CTTNBP2: variants seen among roughly 807,000 people sequenced by gnomAD.
CTTNBP2 encodes the protein cortactin binding protein 2.
Under a neutral mutation model 156.9 loss-of-function variants are expected in CTTNBP2, and 108 were observed. The observed-to-expected ratio is 0.69, with a 90% confidence interval of 0.59 to 0.81. CTTNBP2 has a LOEUF of 0.81. Ranked by LOEUF, CTTNBP2 falls within the 30% of genes least tolerant of loss-of-function variation. CTTNBP2 has a pLI of 0.00. For missense variants in CTTNBP2, 1,924 were observed against 2,035.4 expected, an observed-to-expected ratio of 0.95 and a Z score of 1.05; for synonymous variants, 767 against 751.8, an observed-to-expected ratio of 1.02 and a Z score of -0.33.
At chr7:117,727,043 A>T (rs1795130802) in intron 17 of CTTNBP2, among the ~76,000 whole-genome samples, 1 of 151,912 alleles carries the variant, frequency 6.6e-6, no homozygotes, top group African/African-American at 2.4e-5. Flanking sequence ...AAAGACTTTA[A>T]TTTAACTGAC....
At chr7:117,841,315 T>C (rs1802263356) in intron 2 of CTTNBP2, among the ~76,000 whole-genome samples, 1 of 152,256 alleles carries the variant, frequency 6.6e-6, no homozygotes, top group African/African-American at 2.4e-5. Flanking sequence ...TAATGTTTAC[T>C]ATTATTAAGA....
At chr7:117,870,057 T>C (rs1005979139) in intron 1 of CTTNBP2, among the ~76,000 whole-genome samples, 2 of 152,226 alleles carry the variant, frequency 1.3e-5, no homozygotes, top group African/African-American at 4.8e-5. Flanking sequence ...CATCCTTCTA[T>C]GGAAGTTTCT....
intron 2 of CTTNBP2, among the ~76,000 whole-genome samples, chr7:117,824,442 C>A (rs1422511208): frequency 1.3e-5 from 2 of 152,156 alleles, no homozygotes; most frequent in Admixed American, 1.3e-4. Flanking sequence ...ATCCTTTCCA[C>A]TGGGTTCCGG....
At chr7:117,733,976 T>A (rs1689345712) in intron 16 of CTTNBP2, among the ~76,000 whole-genome samples, 1 of 152,226 alleles carries the variant, frequency 6.6e-6, no homozygotes, top group South Asian at 2.1e-4. Context: ...TCCTCCCTGA[T>A]AAGGAAGAGA....
Position 117,711,007 on chromosome 7 carries a change from T to C in CTTNBP2, c.*530A>G, listed in dbSNP as rs1794025173. 1 of 152,666 alleles carries C rather than the reference T, an allele frequency of 6.6e-6. No individual in the cohort carries two copies. The highest frequency in any genetic ancestry group is 6.5e-5 in the Admixed American group (1 of 15,290). 9.5% of individuals were successfully genotyped at this position (152,666 alleles called of 1,614,324 possible). ...AGAATTTAACAAGCAAAATACTTAA[T>C]ATGGCTTTTAATGGAAAATAACTGT... is the stretch of plus-strand genomic sequence containing the variant. On this transcript the variant is annotated 3_prime_UTR_variant, in exon 23 of 23. Coordinates refer to ENST00000160373, the MANE Select transcript of CTTNBP2 (RefSeq NM_033427.3).
Position 117,777,651 on chromosome 7 carries a change from C to T in CTTNBP2, c.2638G>A (p.Glu880Lys), listed in dbSNP as rs1015913590. Residue 880 changes from glutamate to lysine, a missense_variant, in exon 8 of 23, where the codon GAG (glutamate) becomes AAG (lysine). Coordinates refer to ENST00000160373, the MANE Select transcript of CTTNBP2 (RefSeq NM_033427.3). The stretch of plus-strand genomic sequence containing the variant: ...CCATCCAAGTCAAAGACACTTGACT[C>T]GGACTCCTCCTCATTGAAAGAATTT... ...HGNSFNEEES[E>K]SSVFDLDGGE... 21 of 1,613,960 alleles carry T rather than the reference C, an allele frequency of 1.3e-5. No individual in the cohort carries two copies. The Middle Eastern group carries it at 9.9e-4, about 76-fold the overall frequency.
chr7:117,740,751 C>T (rs1795963014), intron 14 of CTTNBP2, among the ~76,000 whole-genome samples: 1 of 152,208 alleles, frequency 6.6e-6, no homozygotes, highest in African/African-American at 2.4e-5. Flanking sequence ...TTCCCTGCTG[C>T]ATGCTTTCTG....
rs747287984 is a variant in CTTNBP2, at chr7:117,782,899, T to G, written c.2335A>C (p.Thr779Pro). 6.2e-7 allele frequency: 1 copy of G among 1,614,100 alleles called. No individual in the cohort carries two copies. The highest frequency in any genetic ancestry group is 8.5e-7 in the Non-Finnish European group (1 of 1,179,960). Reference protein sequence around the residue: ...QVNAADKNGFTPLCAAAAQGH... With the variant: ...QVNAADKNGFPPLCAAAAQGH... ...TGAGCAGCTGCAGCACACAAGGGTG[T>G]GAAGCCATTTTTATCAGCAGCATTG... Residue 779 changes from threonine to proline, a missense_variant, in exon 6 of 23, where the codon ACA becomes CCA. Coordinates refer to ENST00000160373, the MANE Select transcript of CTTNBP2 (RefSeq NM_033427.3).
chr7:117,713,481 A>ATTTAGCAGGAAATCCTCAGTTATC (rs1305429871), intron 22 of CTTNBP2, among the ~76,000 whole-genome samples: 1 of 152,118 alleles, frequency 6.6e-6, no homozygotes, highest in East Asian at 1.9e-4. Flanking sequence ...CTCCCAGTGA[A>ATTTAGCAGGAAATCCTCAGTTATC]TTTAGCAGGA....
intron 16 of CTTNBP2, among the ~76,000 whole-genome samples, chr7:117,731,819 CT>C (rs1372735230): frequency 6.6e-6 from 1 of 152,160 alleles, no homozygotes; most frequent in Non-Finnish European, 1.5e-5. Flanking sequence ...GTCAGATGGA[CT>C]GCATTATATA....
chr7:117,767,947 G>C (rs921219848), intron 8 of CTTNBP2, among the ~76,000 whole-genome samples: 1 of 152,050 alleles, frequency 6.6e-6, no homozygotes, highest in Non-Finnish European at 1.5e-5. Flanking sequence ...ATTTACCAAG[G>C]AACTCTCCTG....
chr7:117,713,527 T>A (rs1794174406), intron 22 of CTTNBP2, among the ~76,000 whole-genome samples: 1 of 152,128 alleles, frequency 6.6e-6, no homozygotes, highest in Non-Finnish European at 1.5e-5. Context: ...CCTTTCTCTC[T>A]CTCCTCACCA....
At chr7:117,757,680 G>T (rs756312117) in intron 11 of CTTNBP2, among the ~76,000 whole-genome samples, 195 bp downstream of exon 11, 1 of 152,116 alleles carries the variant, frequency 6.6e-6, no homozygotes, top group Non-Finnish European at 1.5e-5. Context: ...ATTACCATGG[G>T]TGTCAAGAAC....
chr7:117,856,703 A>T (rs752056550), intron 2 of CTTNBP2, among the ~76,000 whole-genome samples: 8 of 152,236 alleles, frequency 5.3e-5, no homozygotes, highest in African/African-American at 1.9e-4. Context: ...AAAAGGAAAA[A>T]GGCACAGAAA....
At chr7:117,783,000 T>C (rs779177437) in intron 5 of CTTNBP2, 39 bp from the exon 6 acceptor site, 2 of 1,515,276 alleles carry the variant, frequency 1.3e-6, no homozygotes, top group East Asian at 4.5e-5. Flanking sequence ...ATTCCCCATT[T>C]GGAGTTATGA....
At chr7:117,869,264 T>C (rs545562912) in intron 1 of CTTNBP2, among the ~76,000 whole-genome samples, 1 of 152,324 alleles carries the variant, frequency 6.6e-6, no homozygotes, top group African/African-American at 2.4e-5. Context: ...ATAATATCTA[T>C]AACATTAATT....
chr7:117,713,352 A>G (rs1794165372), intron 22 of CTTNBP2, among the ~76,000 whole-genome samples: 1 of 152,098 alleles, frequency 6.6e-6, no homozygotes, highest in Admixed American at 6.5e-5. Flanking sequence ...TTTCCACCCC[A>G]CTAATTCACC....
chr7:117,751,814 G>A (rs1796633666), intron 12 of CTTNBP2, among the ~76,000 whole-genome samples: 1 of 152,172 alleles, frequency 6.6e-6, no homozygotes, highest in Non-Finnish European at 1.5e-5. Context: ...GGAACTTTTA[G>A]ACATAACTGC....
chr7:117,724,633 G>A lies in CTTNBP2; in HGVS notation c.4361C>T (p.Ala1454Val). ...AGGACTGGTGTTCACCTTTCTCCAG[G>A]CACCACTCTCTCCTTTCTTCTTGTT... is the stretch of plus-strand genomic sequence containing the variant. ...TCNKKKGESG[A>V]WRKVNTSPRR... Residue 1454 changes from alanine to valine, a missense_variant, in exon 19 of 23, where the codon GCC (alanine) becomes GTC (valine). By Grantham distance (64) the Ala-to-Val change is moderately conservative. Transcript: ENST00000160373. The A allele has an allele frequency of 1.2e-6, 2 of 1,614,042 alleles. No homozygotes were observed. The highest frequency in any genetic ancestry group is 1.7e-6 in the Non-Finnish European group (2 of 1,179,992).
Sources: allele counts gnomAD v4.1 joint callset (sites outside exome capture counted in the v4.1 genomes callset), GRCh38; gene constraint gnomAD v4.1.1; transcripts MANE v1.5; gene names NCBI Gene and HGNC (gene_info 2026-07-23, HGNC 2026-07-21).